The following LHPP variants were observed in gnomAD, a reference collection of about 807,000 sequenced individuals.
LHPP encodes the protein hLHPP.
LHPP carries 24 observed loss-of-function variants against 30.3 expected under a neutral mutation model. That is an observed-to-expected ratio of 0.79 (90% CI 0.57 to 1.11). LHPP has a LOEUF of 1.11. Ranked by LOEUF, LHPP falls within the 50% of genes most tolerant of loss-of-function variation. The probability of loss-of-function intolerance (pLI) is 0.00; values close to 1 mark genes in which losing one functional copy is unlikely to be tolerated. For missense variants in LHPP, 356 were observed against 367.2 expected (o/e 0.97, Z 0.25); for synonymous variants, 150 against 157.1 (o/e 0.95, Z 0.34).
At chr10:124,574,188 T>C (rs1948626668) in intron 6 of LHPP, among the ~76,000 whole-genome samples, 1 of 152,222 alleles carries the variant, frequency 6.6e-6, no homozygotes, top group African/African-American at 2.4e-5. Context: ...CCAAAATATT[T>C]GCTGCCGCGC....
intron 1 of LHPP, among the ~76,000 whole-genome samples, chr10:124,476,285 G>T (rs901928452): frequency 6.6e-6 from 1 of 152,184 alleles, no homozygotes; most frequent in African/African-American, 2.4e-5. Context: ...CTCTGTGCAG[G>T]TGCTCAACAG....
intron 5 of LHPP, among the ~76,000 whole-genome samples, chr10:124,508,905 C>T (rs1172436098): frequency 6.6e-6 from 1 of 151,884 alleles, no homozygotes; most frequent in Non-Finnish European, 1.5e-5. Context: ...TTCAGGGATA[C>T]GTGTGCAGGT....
intron 6 of LHPP, among the ~76,000 whole-genome samples, chr10:124,532,134 C>T (rs984217087): frequency 7.2e-5 from 11 of 152,216 alleles, no homozygotes; most frequent in Admixed American, 3.3e-4. Context: ...ACATCCTCAC[C>T]GTTCTTTGAG....
intron 5 of LHPP, among the ~76,000 whole-genome samples, chr10:124,499,572 C>A (rs903809806): frequency 1.3e-5 from 2 of 151,944 alleles, no homozygotes; most frequent in African/African-American, 4.9e-5. Flanking sequence ...ATGAGAATTG[C>A]TTGAACCTGG....
chr10:124,553,739 G>A (rs146680755), intron 6 of LHPP, among the ~76,000 whole-genome samples: 1,572 of 152,306 alleles, frequency 0.01, 18 homozygotes, highest in African/African-American at 0.037. Context: ...GATTACAGGC[G>A]TGAGCCACCA....
At chr10:124,498,495 T>G (rs963929995) in intron 5 of LHPP, 23 of 1,450,202 alleles carry the variant, frequency 1.6e-5, no homozygotes, top group African/African-American at 2.9e-5. Context: ...AATAATAAAG[T>G]CACTCATTTT....
intron 1 of LHPP, among the ~76,000 whole-genome samples, chr10:124,483,391 T>C (rs1293701137): frequency 6.6e-6 from 1 of 152,138 alleles, no homozygotes; most frequent in Non-Finnish European, 1.5e-5. Flanking sequence ...GAGAAATAGC[T>C]GTGGACATTC....
intron 1 of LHPP, among the ~76,000 whole-genome samples, chr10:124,471,804 T>C (rs1008346969): frequency 7.0e-6 from 1 of 142,580 alleles, no homozygotes; most frequent in Non-Finnish European, 1.5e-5. Context: ...TTGAATAGTA[T>C]ATTATTTTTA....
chr10:124,507,849 G>A (rs1273312810), intron 5 of LHPP, among the ~76,000 whole-genome samples: 12 of 110,426 alleles, frequency 1.1e-4, no homozygotes, highest in Admixed American at 1.8e-4. Context: ...TTCAGGTGGG[G>A]GGGTAGGGAG....
chr10:124,572,296 G>T (rs74160936), intron 6 of LHPP, among the ~76,000 whole-genome samples: 1 of 152,094 alleles, frequency 6.6e-6, no homozygotes, highest in Non-Finnish European at 1.5e-5. Context: ...GAGTGGTGGC[G>T]GTCACTGGCA....
chr10:124,533,843 TGTGCCTGGAGTGACTCAGGG>T lies in LHPP; in HGVS notation c.716+16577_716+16596del, dbSNP rs547772719. On this transcript the variant is annotated intron_variant, in intron 6 of 6. Coordinates refer to ENST00000368842, the MANE Select transcript of LHPP (RefSeq NM_022126.4). ...CCAGCCCAGGGCCAGACCCCAAGTG[TGTGCCTGGAGTGACTCAGGG>T]GTGCGCGAGGAGGACTCAGTGGGAT... Among the ~76,000 whole-genome samples, 271 of 152,308 alleles carry T rather than the reference TGTGCCTGGAGTGACTCAGGG, an allele frequency of 1.8e-3. 1 individual carries two copies. Among genetic ancestry groups the T allele is most frequent in the African/African-American group, 6.3e-3 (262 of 41,562 alleles).
chr10:124,497,917 A>G (rs753007180), intron 4 of LHPP, 119 bp from the exon 5 acceptor site: 2 of 786,344 alleles, frequency 2.5e-6, no homozygotes, highest in Non-Finnish European at 4.3e-6. Context: ...GGCCCACAGC[A>G]TCCTGCTTCT....
intron 1 of LHPP, among the ~76,000 whole-genome samples, chr10:124,462,312 A>G (rs1265395976): frequency 6.6e-6 from 1 of 152,130 alleles, no homozygotes; most frequent in Admixed American, 6.5e-5. Flanking sequence ...AACAAGACTT[A>G]GCCGGGCGCG....
chr10:124,608,579 G>A (rs1949125640), intron 6 of LHPP, among the ~76,000 whole-genome samples: 1 of 152,248 alleles, frequency 6.6e-6, no homozygotes, highest in Non-Finnish European at 1.5e-5. Flanking sequence ...GGCGGAGCCA[G>A]CTTTATCCTC....
chr10:124,574,809 C>T (rs1351418590), intron 6 of LHPP, among the ~76,000 whole-genome samples: 2 of 152,136 alleles, frequency 1.3e-5, no homozygotes, highest in Non-Finnish European at 2.9e-5. Context: ...CCCTCCTCGT[C>T]TTCCTGAGGC....
At chr10:124,494,393 A>G (rs1022924621) in intron 3 of LHPP, among the ~76,000 whole-genome samples, 5 of 152,184 alleles carry the variant, frequency 3.3e-5, no homozygotes, top group African/African-American at 9.6e-5. Context: ...ACCTGTCGCA[A>G]TGGAGTAGTT....
At chr10:124,508,053 G>A (rs901114554) in intron 5 of LHPP, among the ~76,000 whole-genome samples, 6 of 151,888 alleles carry the variant, frequency 4.0e-5, no homozygotes, top group East Asian at 1.9e-4. Flanking sequence ...CTACCATTTC[G>A]TTCCCTGATT....
chr10:124,508,801 C>G (rs1198537139), intron 5 of LHPP, among the ~76,000 whole-genome samples: 1 of 152,118 alleles, frequency 6.6e-6, no homozygotes, highest in South Asian at 2.1e-4. Flanking sequence ...ATTTTTAACA[C>G]AAAATTGGGA....
intron 5 of LHPP, among the ~76,000 whole-genome samples, chr10:124,501,994 G>A (rs1202876032): frequency 3.3e-4 from 50 of 151,816 alleles, no homozygotes; most frequent in Non-Finnish European, 4.4e-5. Flanking sequence ...GAACTCCTAG[G>A]TACCCATCAC....
Sources: gnomAD v4.1 joint callset for allele counts (sites outside exome capture counted in the v4.1 genomes callset) on GRCh38, gnomAD v4.1.1 for gene constraint, MANE v1.5 for transcripts, NCBI Gene and HGNC (gene_info 2026-07-23, HGNC 2026-07-21) for gene names.